Variants in GABBR2 observed in about 807,000 individuals in gnomAD.
GABBR2 encodes G-protein coupled receptor 51.
A neutral mutation model predicts 105.6 loss-of-function variants in GABBR2; 23 were observed. The ratio of observed to expected loss-of-function variants is 0.22; its 90% CI spans 0.16 to 0.31. The LOEUF (loss-of-function observed/expected upper bound fraction) is 0.31, where lower values mean the gene tolerates loss of function less well. Among genes scored for constraint, GABBR2 ranks in the 10% least tolerant of loss-of-function variants. GABBR2 has a pLI of 1.00. For synonymous variants in GABBR2, 478 were observed against 499.7 expected (o/e 0.96, Z 0.58); for missense variants, 734 against 1,245.5 (o/e 0.59, Z 6.18).
At chr9:98,686,615 C>T (rs1830624087) in intron 1 of GABBR2, among the ~76,000 whole-genome samples, 1 of 152,152 alleles carries the variant, frequency 6.6e-6, no homozygotes, top group Non-Finnish European at 1.5e-5. Flanking sequence ...ATGCTGGTCT[C>T]AAACTCCTGA....
chr9:98,651,381 C>T (rs1016574570), intron 1 of GABBR2, among the ~76,000 whole-genome samples: 1 of 152,096 alleles, frequency 6.6e-6, no homozygotes, highest in Non-Finnish European at 1.5e-5. Context: ...TGACCTCAGC[C>T]TCCCAAAGTG....
intron 1 of GABBR2, among the ~76,000 whole-genome samples, chr9:98,645,767 T>C (rs982277506): frequency 5.3e-5 from 8 of 152,186 alleles, no homozygotes; most frequent in African/African-American, 1.9e-4. Flanking sequence ...GAACCTTCAA[T>C]AACAAAAGCA....
At chr9:98,692,324 G>A (rs1206844454) in intron 1 of GABBR2, among the ~76,000 whole-genome samples, 1 of 152,210 alleles carries the variant, frequency 6.6e-6, no homozygotes, top group African/African-American at 2.4e-5. Flanking sequence ...GTGGCAAGCT[G>A]TGGTGGCCAG....
Position 98,577,940 on chromosome 9 carries a change from C to G in GABBR2, c.454G>C (p.Val152Leu). 4 of 1,611,310 alleles carry G rather than the reference C, an allele frequency of 2.5e-6. No individual in the cohort carries two copies. The highest frequency in any genetic ancestry group is 1.7e-6 in the Non-Finnish European group (2 of 1,178,320). ...GAAGGTAGCTCAGACCTTACCTGCA[C>G]CAGATTCCAGCCTTGGAGGGACTCT... is the stretch of plus-strand genomic sequence containing the variant. ...IAESLQGWNLVQLSFAATTPV... is the reference protein window; with the variant it reads ...IAESLQGWNLLQLSFAATTPV... The change falls in exon 2 of 19, where the codon GTG becomes CTG. Residue 152 changes from valine to leucine, a missense_variant. Around this residue, in one of 7 missense-constraint regions of GABBR2, gnomAD observed 370 missense variants for 648.9 expected, o/e 0.57. Coordinates refer to ENST00000259455, the MANE Select transcript of GABBR2 (RefSeq NM_005458.8).
In GABBR2 at chr9:98,290,439, A is replaced by C; in HGVS notation, c.*145T>G. 2.2e-6 allele frequency: 1 copy of C among 453,486 alleles called. No homozygotes were observed. The highest frequency in any genetic ancestry group is 3.7e-6 in the Non-Finnish European group (1 of 271,280). 28.1% of individuals were successfully genotyped at this position (453,486 alleles called of 1,614,324 possible). A position where few individuals can be genotyped will look rare whatever the true frequency, so the allele number is the denominator to read the frequency against. On this transcript the variant is annotated 3_prime_UTR_variant, in exon 19 of 19. Transcript: ENST00000259455. The stretch of plus-strand genomic sequence containing the variant: ...AGTCTCCCCCTGCCCCGTCCTGTCC[A>C]CCTGAGTGCCATCCGAGTGGTCCTG...
intron 8 of GABBR2, among the ~76,000 whole-genome samples, chr9:98,399,580 AC>A (rs1832354043): frequency 1.3e-5 from 2 of 151,992 alleles, no homozygotes; most frequent in South Asian, 4.2e-4. Flanking sequence ...AGCCCCACCA[AC>A]CCCCATACCC....
chr9:98,299,936 T>C (rs547282214), intron 16 of GABBR2, among the ~76,000 whole-genome samples: 2 of 152,176 alleles, frequency 1.3e-5, no homozygotes, highest in Admixed American at 1.3e-4. Context: ...AATTATAGCT[T>C]ACTGCAACCT....
At chr9:98,553,458 G>C (rs1828527823) in intron 2 of GABBR2, among the ~76,000 whole-genome samples, 1 of 152,028 alleles carries the variant, frequency 6.6e-6, no homozygotes, top group African/African-American at 2.4e-5. Flanking sequence ...TAGGCATTGT[G>C]GTTCGAGTTT....
In GABBR2 at chr9:98,684,294, G is replaced by A. The variant is rs149750141; in HGVS notation, c.321+24123C>T. Among the ~76,000 whole-genome samples, 841 of 151,604 alleles carry A rather than the reference G, an allele frequency of 5.5e-3. 5 individuals are homozygous for A. The highest frequency in any genetic ancestry group is 0.038 in the Middle Eastern group (11 of 290). Reference sequence around the variant, plus strand: ...TCACCATGGTATCAACAGTGATTGTGTTAGATAGTCAGGTTATAAGTGATT... The same window carrying A: ...TCACCATGGTATCAACAGTGATTGTATTAGATAGTCAGGTTATAAGTGATT... On this transcript the variant is annotated intron_variant, in intron 1 of 18. Coordinates refer to ENST00000259455, the MANE Select transcript of GABBR2 (RefSeq NM_005458.8).
intron 1 of GABBR2, among the ~76,000 whole-genome samples, chr9:98,635,463 C>G (rs1043379042): frequency 1.3e-5 from 2 of 152,124 alleles, no homozygotes; most frequent in African/African-American, 4.8e-5. Context: ...GGAAGTTACT[C>G]CCGCAACAAC....
intron 7 of GABBR2, among the ~76,000 whole-genome samples, chr9:98,447,017 C>T (rs1826141477): frequency 6.6e-6 from 1 of 151,464 alleles, no homozygotes; most frequent in South Asian, 2.1e-4. Flanking sequence ...TCCCGGTGCC[C>T]TGTTTCTTGT....
chr9:98,492,448 C>T (rs959210481), intron 4 of GABBR2, among the ~76,000 whole-genome samples: 2 of 149,502 alleles, frequency 1.3e-5, no homozygotes, highest in Non-Finnish European at 3.0e-5. Flanking sequence ...ATCCAGTTTT[C>T]CCTATTATTA....
intron 7 of GABBR2, among the ~76,000 whole-genome samples, chr9:98,434,659 C>A (rs938098740): frequency 1.3e-5 from 2 of 152,188 alleles, no homozygotes; most frequent in African/African-American, 4.8e-5. Flanking sequence ...TGTGATACAG[C>A]AAGTGTCAGA....
At chr9:98,707,909 C>G (rs1830920610) in intron 1 of GABBR2, among the ~76,000 whole-genome samples, 1 of 152,244 alleles carries the variant, frequency 6.6e-6, no homozygotes, top group Non-Finnish European at 1.5e-5. Context: ...GCTGCACGCT[C>G]AAGCCCCTTG....
At chr9:98,375,060 T>C (rs1831848652) in intron 11 of GABBR2, 1 of 152,164 alleles carries the variant, frequency 6.6e-6, no homozygotes, top group Admixed American at 6.6e-5. Context: ...CCAGCTTAAG[T>C]TTCTGGGATT....
chr9:98,424,868 G>A (rs1832846200), intron 7 of GABBR2, among the ~76,000 whole-genome samples: 5 of 152,090 alleles, frequency 3.3e-5, no homozygotes, highest in Admixed American at 2.6e-4. Context: ...CCATGCTCAT[G>A]GGTAGGAAGA....
At chr9:98,342,556 T>C (rs150441282) in intron 13 of GABBR2, among the ~76,000 whole-genome samples, 103 of 152,278 alleles carry the variant, frequency 6.8e-4, no homozygotes, top group African/African-American at 2.4e-3. Flanking sequence ...AGGCAGCCCA[T>C]GGGTAATGGA....
rs1048853666 is a variant in GABBR2 at position 98,374,623 on chromosome 9, G to A, written c.1663-3052C>T. Among the ~76,000 whole-genome samples the A allele has an allele frequency of 4.6e-5, 7 of 152,096 alleles. No individual in the cohort carries two copies. The South Asian group carries it at 6.2e-4, about 14-fold the overall frequency. ...GACGGTGTCGACATATCCATCCTCC[G>A]ACTAAAAACCCTGGGCGTGTCATCT... On this transcript the variant is annotated intron_variant, in intron 11 of 18. Transcript: ENST00000259455.
At chr9:98,488,951 G>A (rs1827117878) in intron 4 of GABBR2, among the ~76,000 whole-genome samples, 2 of 152,138 alleles carry the variant, frequency 1.3e-5, no homozygotes, top group African/African-American at 4.8e-5. Flanking sequence ...ATAAAATGGG[G>A]ATAATAATAG....
Sources: allele counts gnomAD v4.1 joint callset (sites outside exome capture counted in the v4.1 genomes callset), GRCh38; gene constraint gnomAD v4.1.1; regional missense constraint gnomAD v4.1.1; transcripts MANE v1.5; gene names NCBI Gene and HGNC (gene_info 2026-07-23, HGNC 2026-07-21).